Variants in HAUS6 observed in about 807,000 individuals in gnomAD.
The protein encoded by HAUS6 is HAUS augmin-like complex subunit 6.
Under a neutral mutation model 106.8 loss-of-function variants are expected in HAUS6, and 80 were observed. That is an observed-to-expected ratio of 0.75 (90% CI 0.63 to 0.90). HAUS6 has a LOEUF of 0.90. HAUS6 is among the 40% of genes least tolerant of loss of function. The pLI is 0.00. For missense variants in HAUS6, 1,155 were observed against 1,118.1 expected, an observed-to-expected ratio of 1.03 and a Z score of -0.47; for synonymous variants, 356 against 379.1, an observed-to-expected ratio of 0.94 and a Z score of 0.71.
At position 19,102,592 on chromosome 9, in the gene HAUS6, C is replaced by A. The variant is rs753124397; in HGVS notation, c.60G>T (p.Ala20=). 2.6e-5 allele frequency: 42 copies of A among 1,613,730 alleles called. No individual in the cohort carries two copies. The Middle Eastern group carries it at 4.9e-4, about 19-fold the overall frequency. The change falls in exon 1 of 17, where the codon GCG becomes GCT. Residue 20 remains alanine, a synonymous_variant. Coordinates refer to ENST00000380502, the MANE Select transcript of HAUS6 (RefSeq NM_017645.5). ...TTGCCGGGCCTGGCTCGAAGCCGAGCGCCTGCAGATACATCCAGAGATGCT... is the reference window on the plus strand; with the variant it reads ...TTGCCGGGCCTGGCTCGAAGCCGAGAGCCTGCAGATACATCCAGAGATGCT... ...EKEHLWMYLQ[A]LGFEPGPATI...
chr9:19,058,314 C>A lies in HAUS6; in HGVS notation c.2453G>T (p.Gly818Val). The A allele has an allele frequency of 6.2e-7, 1 of 1,613,602 alleles. No homozygotes were observed. Among genetic ancestry groups the A allele is most frequent in the African/African-American group, 1.3e-5 (1 of 75,010 alleles). The change falls in exon 16 of 17, where the codon GGA (glycine) becomes GTA (valine). Residue 818 changes from glycine to valine, a missense_variant. By Grantham distance (109) the Gly-to-Val change is moderately radical. Coordinates refer to ENST00000380502, the MANE Select transcript of HAUS6 (RefSeq NM_017645.5). ...HGGTLLEDVV[G>V]GRQTTPESDF... is the part of the protein sequence containing the mutation. ...TGATTCTGGAGTAGTCTGTCTCCCT[C>A]CCACAACATCTTCTAGAAGAGTGCC...
chr9:19,067,389 C>A (rs1257105038), intron 12 of HAUS6, among the ~76,000 whole-genome samples: 1 of 152,130 alleles, frequency 6.6e-6, no homozygotes, highest in Non-Finnish European at 1.5e-5. Flanking sequence ...TTTTCACAGG[C>A]CTTCTGTTTT....
chr9:19,059,838 A>G (rs2131098062), intron 15 of HAUS6, among the ~76,000 whole-genome samples: 1 of 152,300 alleles, frequency 6.6e-6, no homozygotes, highest in Non-Finnish European at 1.5e-5. Context: ...TTCTAGATAA[A>G]AGCAAAGTAT....
intron 7 of HAUS6, among the ~76,000 whole-genome samples, chr9:19,086,371 A>G (rs1837296190): frequency 6.6e-6 from 1 of 152,060 alleles, no homozygotes; most frequent in African/African-American, 2.4e-5. Flanking sequence ...CTGTAATCCC[A>G]GCACTTTGGG....
rs971234856 is a variant in HAUS6 at position 19,055,424 on chromosome 9, C to G, written c.*919G>C. ...GTTATTTAACCCCAAGTTCAGTTTTCTCAAGTTACTGTGAGGCTATTCTGT... is the reference window on the plus strand; with the variant it reads ...GTTATTTAACCCCAAGTTCAGTTTTGTCAAGTTACTGTGAGGCTATTCTGT... On this transcript the variant is annotated 3_prime_UTR_variant, in exon 17 of 17. Transcript: ENST00000380502. 1.3e-5 allele frequency: 2 copies of G among 152,202 alleles called. No individual in the cohort carries two copies. Among genetic ancestry groups the G allele is most frequent in the African/African-American group, 4.8e-5 (2 of 41,440 alleles). 9.4% of individuals were successfully genotyped at this position (152,202 alleles called of 1,614,324 possible).
At chr9:19,066,573 TCC>T (rs200414301) in intron 12 of HAUS6, among the ~76,000 whole-genome samples, 1 of 151,278 alleles carries the variant, frequency 6.6e-6, no homozygotes, top group Non-Finnish European at 1.5e-5. Context: ...ATCATGGAAC[TCC>T]CCCCCACACA....
chr9:19,063,704 G>T (rs373447349), intron 12 of HAUS6, 124 bp from the exon 13 acceptor site: 1 of 801,018 alleles, frequency 1.2e-6, no homozygotes, highest in Non-Finnish European at 2.3e-6. Context: ...AATTCGTCCC[G>T]GTCATCAAAA....
rs534035976 is a variant in HAUS6, at chr9:19,083,347, A to G, written c.700-304T>C. 3.9e-5 allele frequency among the ~76,000 whole-genome samples: 6 copies of G among 152,134 alleles called. No individual in the cohort carries two copies. In the South Asian group the frequency reaches 1.2e-3, roughly 32 times the overall value. On this transcript the variant is annotated intron_variant, in intron 7 of 16. Coordinates refer to ENST00000380502, the MANE Select transcript of HAUS6 (RefSeq NM_017645.5). ...AGACTCAAACTCCTGGGCTCAAGCAATCTTCCCACATCAGCCTCCCAAGTA... is the reference window on the plus strand; with the variant it reads ...AGACTCAAACTCCTGGGCTCAAGCAGTCTTCCCACATCAGCCTCCCAAGTA...
intron 7 of HAUS6, among the ~76,000 whole-genome samples, chr9:19,086,235 C>T (rs1039915677): frequency 6.6e-6 from 1 of 151,682 alleles, no homozygotes; most frequent in Non-Finnish European, 1.5e-5. Context: ...TGCTTGAACC[C>T]AGGAGGTGGA....
intron 4 of HAUS6, among the ~76,000 whole-genome samples, chr9:19,091,818 T>C (rs1004290851): frequency 6.6e-6 from 1 of 152,048 alleles, no homozygotes; most frequent in Admixed American, 6.6e-5. Flanking sequence ...CCCACCACCA[T>C]GCCAGGTTCA....
chr9:19,098,074 T>C (rs1051843610), intron 1 of HAUS6, among the ~76,000 whole-genome samples: 1 of 152,244 alleles, frequency 6.6e-6, no homozygotes, highest in African/African-American at 2.4e-5. Flanking sequence ...AAGTACCTTG[T>C]TCTCTTCTCT....
chr9:19,076,196 CAA>C (rs34924379), intron 11 of HAUS6, among the ~76,000 whole-genome samples: 8 of 135,410 alleles, frequency 5.9e-5, no homozygotes, highest in Admixed American at 1.5e-4. Flanking sequence ...CCCATTTCTA[CAA>C]AAAAAAAAAA....
chr9:19,089,869 A>G (rs1039858824), intron 4 of HAUS6, among the ~76,000 whole-genome samples: 2 of 152,000 alleles, frequency 1.3e-5, no homozygotes, highest in African/African-American at 4.8e-5. Context: ...GTCTCACTCT[A>G]TTGCCCAGGC....
chr9:19,102,443 C>A lies in HAUS6; in HGVS notation c.128+81G>T, dbSNP rs577864132. 3.4e-6 allele frequency: 5 copies of A among 1,451,492 alleles called. No individual in the cohort carries two copies. In the African/African-American group the frequency reaches 7.0e-5, roughly 20 times the overall value. 89.9% of individuals were successfully genotyped at this position (1,451,492 alleles called of 1,614,324 possible). Reference sequence around the variant, plus strand: ...TGCTCAACCAATTCTGATTAATCAACCTCCGGGGTCTACAAAAGGGGGAGT... The same window carrying A: ...TGCTCAACCAATTCTGATTAATCAAACTCCGGGGTCTACAAAAGGGGGAGT... On this transcript the variant is annotated intron_variant, in intron 1 of 16. Coordinates refer to ENST00000380502, the MANE Select transcript of HAUS6 (RefSeq NM_017645.5).
chr9:19,095,502 A>G (rs1817842770), intron 2 of HAUS6, among the ~76,000 whole-genome samples: 1 of 113,250 alleles, frequency 8.8e-6, no homozygotes, highest in Admixed American at 8.9e-5. Context: ...GTTGATAATC[A>G]GCAAAAAAAA....
Position 19,053,375 on chromosome 9 carries a change from AG to A in HAUS6, c.*2967del, listed in dbSNP as rs570570201. 258 of 152,328 alleles carry A rather than the reference AG, an allele frequency of 1.7e-3. No individual in the cohort carries two copies. The highest frequency in any genetic ancestry group is 6.1e-3 in the African/African-American group (252 of 41,592). The allele number at this position is 152,328 out of a possible 1,614,324, so 9.4% of individuals were successfully genotyped here. ...ATTTTAATTTTAGTACTCTCACAGT[AG>A]GAAGATAATAGTCTGCTTTTACACA... On this transcript the variant is annotated 3_prime_UTR_variant, in exon 17 of 17. Coordinates refer to ENST00000380502, the MANE Select transcript of HAUS6 (RefSeq NM_017645.5).
At chr9:19,070,027 C>T (rs1002066344) in intron 12 of HAUS6, among the ~76,000 whole-genome samples, 192 bp downstream of exon 12, 1 of 152,096 alleles carries the variant, frequency 6.6e-6, no homozygotes, top group African/African-American at 2.4e-5. Context: ...TCCCAAAGTG[C>T]TAGGATTACA....
intron 4 of HAUS6, among the ~76,000 whole-genome samples, chr9:19,090,081 C>T (rs1331819579): frequency 6.6e-6 from 1 of 152,044 alleles, no homozygotes; most frequent in Non-Finnish European, 1.5e-5. Flanking sequence ...TCAAGGGATC[C>T]TCCTGTCTCA....
chr9:19,101,695 G>A (rs1031159743), intron 1 of HAUS6, among the ~76,000 whole-genome samples: 6 of 152,200 alleles, frequency 3.9e-5, no homozygotes, highest in Admixed American at 6.5e-5. Context: ...GCCGAGGCAG[G>A]TGGATCATGA....
Sources: allele counts gnomAD v4.1 joint callset (sites outside exome capture counted in the v4.1 genomes callset), GRCh38; gene constraint gnomAD v4.1.1; transcripts MANE v1.5; gene names NCBI Gene and HGNC (gene_info 2026-07-23, HGNC 2026-07-21).